Variants in SYT16 observed in about 807,000 individuals in gnomAD.
SYT16 encodes synaptotagmin 16.
A neutral mutation model predicts 61.4 loss-of-function variants in SYT16; 42 were observed. The observed-to-expected ratio is 0.68, with a 90% confidence interval of 0.53 to 0.89. The LOEUF (loss-of-function observed/expected upper bound fraction) is 0.89. Among genes scored for constraint, SYT16 ranks in the 40% least tolerant of loss-of-function variants. SYT16 has a pLI of 0.00. For missense variants in SYT16, 804 were observed against 807.3 expected, an observed-to-expected ratio of 1.00 and a Z score of 0.05; for synonymous variants, 314 against 302.3, an observed-to-expected ratio of 1.04 and a Z score of -0.40.
In SYT16 at chr14:62,057,652, A is replaced by G. The variant is rs537016283; in HGVS notation, c.524-11951A>G. On this transcript the variant is annotated intron_variant, in intron 3 of 7. Coordinates refer to ENST00000683842, the MANE Select transcript of SYT16 (RefSeq NM_001367656.1). ...TGACTTATGGATTTGAGCTTTCTCA[A>G]CTGCACAGAAATGACTTAATGCTGG... Among the ~76,000 whole-genome samples the G allele has an allele frequency of 9.2e-5, 14 of 152,288 alleles. No homozygotes were observed. In the South Asian group the frequency reaches 2.9e-3, roughly 32 times the overall value.
chr14:62,054,901 C>G (rs2055478150), intron 3 of SYT16, among the ~76,000 whole-genome samples: 1 of 152,122 alleles, frequency 6.6e-6, no homozygotes, highest in Non-Finnish European at 1.5e-5. Flanking sequence ...TAGAAACTCA[C>G]AACACCTGAA....
At chr14:61,953,845 G>T (rs1484139466) in intron 1 of SYT16, among the ~76,000 whole-genome samples, 1 of 152,152 alleles carries the variant, frequency 6.6e-6, no homozygotes, top group African/African-American at 2.4e-5. Context: ...TGGTCCTTAG[G>T]GAAGTGGATT....
At chr14:61,825,226 C>T (rs963921016) in intron 1 of SYT16, among the ~76,000 whole-genome samples, 34 of 152,164 alleles carry the variant, frequency 2.2e-4, no homozygotes, top group African/African-American at 7.2e-4. Flanking sequence ...TGCTGTGTCA[C>T]TTCAGGGTGG....
chr14:61,831,738 C>A (rs866031833), intron 1 of SYT16: 3 of 151,324 alleles, frequency 2.0e-5, no homozygotes, highest in Middle Eastern at 2.9e-3. Flanking sequence ...TTTTTTTTTT[C>A]TTTCAGGTAA....
intron 7 of SYT16, among the ~76,000 whole-genome samples, chr14:62,095,091 G>A (rs1241309151): frequency 1.3e-5 from 2 of 151,998 alleles, no homozygotes; most frequent in Admixed American, 1.3e-4. Context: ...TTTCACCCAG[G>A]AAAGATCTTA....
upstream of SYT16, chr14:61,812,644 G>T (rs1450549342): frequency 1.4e-5 from 2 of 146,732 alleles, no homozygotes; most frequent in African/African-American, 2.4e-5. Context: ...GGGGCGGCGC[G>T]GGGCGGCGCG....
intron 2 of SYT16, among the ~76,000 whole-genome samples, chr14:61,975,990 C>T (rs2051777001): frequency 6.6e-6 from 1 of 152,182 alleles, no homozygotes; most frequent in African/African-American, 2.4e-5. Context: ...TTGGTTACTT[C>T]TTAGATACAA....
At chr14:62,056,086 A>G (rs1395236221) in intron 3 of SYT16, among the ~76,000 whole-genome samples, 3 of 152,090 alleles carry the variant, frequency 2.0e-5, no homozygotes, top group Non-Finnish European at 4.4e-5. Context: ...AAATAGTCAA[A>G]TGTTTATAAT....
chr14:61,867,231 A>G lies in SYT16; in HGVS notation c.-325+54421A>G, dbSNP rs144062363. Among the ~76,000 whole-genome samples the G allele has an allele frequency of 3.3e-5, 5 of 152,142 alleles. No homozygotes were observed. In the East Asian group the frequency reaches 9.6e-4, roughly 29 times the overall value. ...TTTTCAATCCTGTTTTGGGTAATCTAGGTCATTTTATTTCCATGTCAATTT... is the reference window on the plus strand; with the variant it reads ...TTTTCAATCCTGTTTTGGGTAATCTGGGTCATTTTATTTCCATGTCAATTT... On this transcript the variant is annotated intron_variant, in intron 1 of 7. Transcript: ENST00000683842.
Position 62,102,503 on chromosome 14 carries a change from A to G in SYT16, c.*1796A>G, listed in dbSNP as rs2057440537. ...CCTACCTTTCTTTGGGAGATCTCAG[A>G]GTGCTTTTCCAGCATTATATCCATT... On this transcript the variant is annotated 3_prime_UTR_variant, in exon 8 of 8. Coordinates refer to ENST00000683842, the MANE Select transcript of SYT16 (RefSeq NM_001367656.1). 1 of 152,130 alleles carries G rather than the reference A, an allele frequency of 6.6e-6. No homozygotes were observed. Among genetic ancestry groups the G allele is most frequent in the African/African-American group, 2.4e-5 (1 of 41,424 alleles). 9.4% of individuals were successfully genotyped at this position (152,130 alleles called of 1,614,324 possible).
At chr14:61,979,940 A>G (rs1303406111) in intron 2 of SYT16, among the ~76,000 whole-genome samples, 1 of 152,224 alleles carries the variant, frequency 6.6e-6, no homozygotes, top group African/African-American at 2.4e-5. Flanking sequence ...TTGCACAGTA[A>G]GTTTTAGAAT....
chr14:61,843,593 A>G (rs1309977456), intron 1 of SYT16, among the ~76,000 whole-genome samples: 1 of 152,182 alleles, frequency 6.6e-6, no homozygotes, highest in Admixed American at 6.5e-5. Context: ...AAGGCAAGAG[A>G]TAGGGATCTA....
intron 7 of SYT16, among the ~76,000 whole-genome samples, chr14:62,090,942 A>T (rs543842465): frequency 6.6e-6 from 1 of 152,248 alleles, no homozygotes; most frequent in Admixed American, 6.5e-5. Flanking sequence ...ATCTCATGAG[A>T]TTTATTCACT....
chr14:61,821,673 A>G (rs915645156), intron 1 of SYT16, among the ~76,000 whole-genome samples: 2 of 152,232 alleles, frequency 1.3e-5, no homozygotes, highest in Admixed American at 1.3e-4. Flanking sequence ...GTCTGCTAGT[A>G]ATAGAATCAT....
chr14:61,859,533 C>T (rs1284248817), intron 1 of SYT16, among the ~76,000 whole-genome samples: 1 of 151,984 alleles, frequency 6.6e-6, no homozygotes, highest in African/African-American at 2.4e-5. Context: ...CCCTCTCTCT[C>T]TCGACAGAGA....
chr14:61,855,896 C>T (rs1389191617), intron 1 of SYT16, among the ~76,000 whole-genome samples: 1 of 152,208 alleles, frequency 6.6e-6, no homozygotes, highest in African/African-American at 2.4e-5. Flanking sequence ...TAAATCTAAA[C>T]TGACTCAGCT....
intron 1 of SYT16, among the ~76,000 whole-genome samples, chr14:61,832,888 C>A (rs1280785143): frequency 1.3e-5 from 2 of 152,094 alleles, no homozygotes; most frequent in Non-Finnish European, 2.9e-5. Flanking sequence ...TATTCCTTCA[C>A]TATGGTTTCT....
chr14:62,099,373 A>G (rs2057359309), intron 7 of SYT16, among the ~76,000 whole-genome samples: 1 of 152,166 alleles, frequency 6.6e-6, no homozygotes, highest in Non-Finnish European at 1.5e-5. Flanking sequence ...GTTAGAATCA[A>G]CAGAATGTGG....
intron 1 of SYT16, among the ~76,000 whole-genome samples, chr14:61,932,144 C>T (rs569192676): frequency 5.3e-5 from 8 of 152,296 alleles, no homozygotes; most frequent in Admixed American, 3.9e-4. Flanking sequence ...CACCCAGCTC[C>T]TTCATAACCG....
Sources: allele counts gnomAD v4.1 joint callset (sites outside exome capture counted in the v4.1 genomes callset), GRCh38; gene constraint gnomAD v4.1.1; transcripts MANE v1.5; gene names NCBI Gene and HGNC (gene_info 2026-07-23, HGNC 2026-07-21).